Variants in KCNH7 observed in about 807,000 individuals in gnomAD.
KCNH7 encodes potassium voltage-gated channel subfamily H member 7, also known as voltage-gated inwardly rectifying potassium channel KCNH7.
A neutral mutation model predicts 120.8 loss-of-function variants in KCNH7; 49 were observed. The ratio of observed to expected loss-of-function variants is 0.41; its 90% CI spans 0.32 to 0.51. The LOEUF is 0.51. Ranked by LOEUF, KCNH7 falls within the 20% of genes least tolerant of loss-of-function variation. The pLI is 0.38. For synonymous variants in KCNH7, 547 were observed against 516.1 expected, an observed-to-expected ratio of 1.06 and a Z score of -0.81; for missense variants, 1,097 against 1,446.6, an observed-to-expected ratio of 0.76 and a Z score of 3.92.
At chr2:162,408,859 G>A (rs1039859635) in intron 9 of KCNH7, among the ~76,000 whole-genome samples, 2 of 151,600 alleles carry the variant, frequency 1.3e-5, no homozygotes, top group African/African-American at 4.8e-5. Context: ...TAGAAATTAA[G>A]AACAATACTC....
At chr2:162,835,038 C>T (rs1021533596) in intron 2 of KCNH7, among the ~76,000 whole-genome samples, 1 of 152,038 alleles carries the variant, frequency 6.6e-6, no homozygotes, top group African/African-American at 2.4e-5. Context: ...GCATCAGATA[C>T]TCAAAAGACA....
chr2:162,489,577 A>G (rs1690222489), intron 6 of KCNH7, among the ~76,000 whole-genome samples: 1 of 152,192 alleles, frequency 6.6e-6, no homozygotes, highest in Non-Finnish European at 1.5e-5. Context: ...TCTCTATTTA[A>G]TCAAAGGCCC....
At chr2:162,790,446 C>A (rs185860046) in intron 2 of KCNH7, among the ~76,000 whole-genome samples, 2,418 of 151,798 alleles carry the variant, frequency 0.016, 59 homozygotes, top group African/African-American at 0.05. Flanking sequence ...CAAACTCTTC[C>A]AAAAAATTAA....
intron 2 of KCNH7, among the ~76,000 whole-genome samples, chr2:162,578,777 T>TG (rs1264444242): frequency 6.6e-6 from 1 of 152,056 alleles, no homozygotes; most frequent in Non-Finnish European, 1.5e-5. Flanking sequence ...AAGTGGGACC[T>TG]ATTTCCCTTG....
intron 2 of KCNH7, among the ~76,000 whole-genome samples, chr2:162,775,667 T>C (rs1002999472): frequency 6.6e-6 from 1 of 152,230 alleles, no homozygotes; most frequent in Non-Finnish European, 1.5e-5. Flanking sequence ...TCATTTGCAT[T>C]GTGTACCAGA....
intron 2 of KCNH7, among the ~76,000 whole-genome samples, chr2:162,676,618 G>A (rs569148277): frequency 1.7e-4 from 25 of 151,418 alleles, no homozygotes; most frequent in Admixed American, 1.1e-3. Flanking sequence ...TCTAGGAGAT[G>A]CACAACTGTC....
At chr2:162,681,855 A>C (rs923919680) in intron 2 of KCNH7, among the ~76,000 whole-genome samples, 2 of 151,246 alleles carry the variant, frequency 1.3e-5, no homozygotes, top group Non-Finnish European at 3.0e-5. Context: ...CTATTACTTA[A>C]CTTTCCTATA....
intron 2 of KCNH7, among the ~76,000 whole-genome samples, chr2:162,774,652 A>C (rs1488301604): frequency 1.3e-5 from 2 of 152,204 alleles, no homozygotes; most frequent in African/African-American, 4.8e-5. Context: ...TTCTTTAACT[A>C]TAAATTCAGT....
intron 9 of KCNH7, among the ~76,000 whole-genome samples, chr2:162,422,012 G>A (rs1205941325): frequency 6.6e-6 from 1 of 152,110 alleles, no homozygotes; most frequent in East Asian, 1.9e-4. Context: ...ATATAGAAAA[G>A]TGATCTCTTT....
intron 2 of KCNH7, among the ~76,000 whole-genome samples, chr2:162,715,433 T>G (rs916480249): frequency 1.3e-5 from 2 of 152,230 alleles, no homozygotes; most frequent in African/African-American, 2.4e-5. Flanking sequence ...CAATTCATCA[T>G]GAGATTTGGG....
At chr2:162,600,501 C>A (rs981282411) in intron 2 of KCNH7, among the ~76,000 whole-genome samples, 1 of 152,060 alleles carries the variant, frequency 6.6e-6, no homozygotes, top group African/African-American at 2.4e-5. Context: ...TATTTAGGAA[C>A]ATTTTATCTT....
At chr2:162,572,999 T>C (rs1354703573) in intron 2 of KCNH7, among the ~76,000 whole-genome samples, 1 of 152,076 alleles carries the variant, frequency 6.6e-6, no homozygotes, top group African/African-American at 2.4e-5. Context: ...TATACATATG[T>C]AACTAACCTG....
At chr2:162,596,196 C>T (rs1694374978) in intron 2 of KCNH7, among the ~76,000 whole-genome samples, 1 of 151,988 alleles carries the variant, frequency 6.6e-6, no homozygotes, top group South Asian at 2.1e-4. Context: ...TCATTCAAAA[C>T]TTCACAGACA....
At chr2:162,803,889 A>C (rs577355879) in intron 2 of KCNH7, among the ~76,000 whole-genome samples, 1 of 151,330 alleles carries the variant, frequency 6.6e-6, no homozygotes, top group East Asian at 1.9e-4. Flanking sequence ...ATTCCTGTTC[A>C]TTATGACATG....
At chr2:162,767,881 A>G (rs1395860262) in intron 2 of KCNH7, among the ~76,000 whole-genome samples, 1 of 152,210 alleles carries the variant, frequency 6.6e-6, no homozygotes, top group Non-Finnish European at 1.5e-5. Flanking sequence ...GTTAGAAAGC[A>G]TCATTCAAGT....
chr2:162,815,565 G>T (rs78053620), intron 2 of KCNH7, among the ~76,000 whole-genome samples: 2 of 152,138 alleles, frequency 1.3e-5, no homozygotes, highest in Non-Finnish European at 2.9e-5. Flanking sequence ...ATAAAACCTG[G>T]GTCAGGAAGC....
At chr2:162,513,828 G>T (rs1691193623) in intron 4 of KCNH7, among the ~76,000 whole-genome samples, 1 of 151,720 alleles carries the variant, frequency 6.6e-6, no homozygotes, top group East Asian at 2.0e-4. Flanking sequence ...AAACATTTTT[G>T]TTAATGTTGT....
intron 2 of KCNH7, among the ~76,000 whole-genome samples, chr2:162,645,570 G>A (rs573670435): frequency 3.9e-5 from 6 of 152,206 alleles, no homozygotes; most frequent in South Asian, 2.1e-4. Flanking sequence ...CTCTATAAAC[G>A]TTAAAATTAA....
intron 2 of KCNH7, among the ~76,000 whole-genome samples, chr2:162,767,178 A>G (rs1682849994): frequency 6.6e-6 from 1 of 152,102 alleles, no homozygotes; most frequent in Admixed American, 6.6e-5. Flanking sequence ...ATGAATAACC[A>G]TGTACATACT....
Sources: gnomAD v4.1 joint callset for allele counts (sites outside exome capture counted in the v4.1 genomes callset) on GRCh38, gnomAD v4.1.1 for gene constraint, MANE v1.5 for transcripts, NCBI Gene and HGNC (gene_info 2026-07-23, HGNC 2026-07-21) for gene names.